The following EXOC6B variants were observed in gnomAD, a reference collection of about 807,000 sequenced individuals.
The protein encoded by EXOC6B is SEC15 homolog B.
In EXOC6B, 54 loss-of-function variants were observed where a neutral mutation model predicts 113.5. The ratio of observed to expected loss-of-function variants is 0.48; its 90% CI spans 0.38 to 0.60. The LOEUF (loss-of-function observed/expected upper bound fraction) is 0.60. EXOC6B is among the 20% of genes least tolerant of loss of function. The pLI is 0.00. For synonymous variants in EXOC6B, 357 were observed against 339.0 expected (o/e 1.05, Z -0.58); for missense variants, 797 against 977.5 (o/e 0.82, Z 2.46).
At chr2:72,678,105 C>T (rs1032566667) in intron 6 of EXOC6B, among the ~76,000 whole-genome samples, 1 of 152,224 alleles carries the variant, frequency 6.6e-6, no homozygotes, top group African/African-American at 2.4e-5. Flanking sequence ...AGCCTGACAA[C>T]ATCAATGTAT....
intron 6 of EXOC6B, among the ~76,000 whole-genome samples, chr2:72,580,990 G>A (rs928448303): frequency 6.6e-6 from 1 of 152,030 alleles, no homozygotes; most frequent in Non-Finnish European, 1.5e-5. Context: ...TCTTACTTCT[G>A]TTCCATGAGA....
chr2:72,208,687 C>G (rs1030525276), intron 20 of EXOC6B, among the ~76,000 whole-genome samples: 1 of 152,122 alleles, frequency 6.6e-6, no homozygotes, highest in Non-Finnish European at 1.5e-5. Flanking sequence ...AGATCCAGCC[C>G]TCTGCCTCAG....
At chr2:72,426,644 T>C (rs1695213597) in intron 18 of EXOC6B, among the ~76,000 whole-genome samples, 1 of 152,182 alleles carries the variant, frequency 6.6e-6, no homozygotes, top group Non-Finnish European at 1.5e-5. Flanking sequence ...TACAAAGCGA[T>C]CCTCTGTCAG....
intron 20 of EXOC6B, among the ~76,000 whole-genome samples, chr2:72,234,023 A>G (rs983221115): frequency 1.3e-4 from 20 of 151,374 alleles, no homozygotes; most frequent in African/African-American, 4.1e-4. Context: ...AATGCCTGCT[A>G]GAGTGTCCAG....
chr2:72,470,701 A>G (rs1698349437), intron 17 of EXOC6B, among the ~76,000 whole-genome samples: 2 of 144,090 alleles, frequency 1.4e-5, no homozygotes, highest in Non-Finnish European at 3.0e-5. Flanking sequence ...CCCACCTAGG[A>G]GTGAGAACAT....
At chr2:72,588,362 T>C (rs1176252868) in intron 6 of EXOC6B, among the ~76,000 whole-genome samples, 2 of 147,744 alleles carry the variant, frequency 1.4e-5, no homozygotes, top group African/African-American at 4.9e-5. Flanking sequence ...ATAAGAAAAT[T>C]CTGTCACATT....
chr2:72,406,858 C>A (rs1386970184), intron 18 of EXOC6B, among the ~76,000 whole-genome samples: 1 of 152,030 alleles, frequency 6.6e-6, no homozygotes, highest in Non-Finnish European at 1.5e-5. Flanking sequence ...AAGATCAGAG[C>A]AGAACTGAAG....
intron 20 of EXOC6B, among the ~76,000 whole-genome samples, chr2:72,299,648 G>A (rs889682909): frequency 1.3e-5 from 2 of 152,056 alleles, no homozygotes; most frequent in African/African-American, 4.8e-5. Context: ...GCCTTTTTGC[G>A]CTGGTTTCTC....
In EXOC6B at chr2:72,266,083, C is replaced by A. The variant is rs1029885880; in HGVS notation, c.2196+68864G>T. Among the ~76,000 whole-genome samples the A allele has an allele frequency of 1.2e-3, 188 of 152,258 alleles. 1 individual carries two copies. The highest frequency in any genetic ancestry group is 6.8e-3 in the Middle Eastern group (2 of 294). On this transcript the variant is annotated intron_variant, in intron 20 of 21. Coordinates refer to ENST00000272427, the MANE Select transcript of EXOC6B (RefSeq NM_015189.3). Reference sequence around the variant, plus strand: ...AGAAGTGTCTGTTCATATCCTTTGCCCACTTGTTGATGGGGTTGTTTGTTT... The same window carrying A: ...AGAAGTGTCTGTTCATATCCTTTGCACACTTGTTGATGGGGTTGTTTGTTT...
intron 7 of EXOC6B, among the ~76,000 whole-genome samples, chr2:72,569,396 T>C (rs778530407): frequency 6.6e-6 from 1 of 152,132 alleles, no homozygotes; most frequent in Non-Finnish European, 1.5e-5. Flanking sequence ...TTTTTTTGGA[T>C]AGACACCCAA....
At chr2:72,495,586 T>C (rs756368540) in intron 14 of EXOC6B, 47 bp from the exon 15 acceptor site, 15 of 977,210 alleles carry the variant, frequency 1.5e-5, no homozygotes, top group African/African-American at 3.3e-5. Context: ...CCAACGAAGA[T>C]TGAAGATATT....
chr2:72,223,992 C>G (rs921096143), intron 20 of EXOC6B, among the ~76,000 whole-genome samples: 2 of 152,192 alleles, frequency 1.3e-5, no homozygotes, highest in African/African-American at 4.8e-5. Flanking sequence ...AACACAGCCA[C>G]TTTCTGTTTA....
At chr2:72,438,641 G>A (rs1245930001) in intron 18 of EXOC6B, among the ~76,000 whole-genome samples, 1 of 152,108 alleles carries the variant, frequency 6.6e-6, no homozygotes. Flanking sequence ...AAAACAGAGA[G>A]AGAGAAACAT....
At chr2:72,622,107 T>A (rs1340842282) in intron 6 of EXOC6B, among the ~76,000 whole-genome samples, 1 of 151,728 alleles carries the variant, frequency 6.6e-6, no homozygotes, top group Non-Finnish European at 1.5e-5. Context: ...ATATGTTAAA[T>A]CATTACAATG....
At chr2:72,820,367 T>C (rs1376085163) in intron 1 of EXOC6B, among the ~76,000 whole-genome samples, 2 of 152,178 alleles carry the variant, frequency 1.3e-5, no homozygotes, top group East Asian at 1.9e-4. Context: ...TATGTTGACA[T>C]ACTGTTTTAA....
intron 20 of EXOC6B, among the ~76,000 whole-genome samples, chr2:72,256,099 AG>A (rs945003201): frequency 6.6e-6 from 1 of 152,158 alleles, no homozygotes; most frequent in African/African-American, 2.4e-5. Flanking sequence ...AGAAGACATG[AG>A]GAAAAGAGGT....
At chr2:72,197,476 G>A (rs1021003945) in intron 20 of EXOC6B, among the ~76,000 whole-genome samples, 3 of 152,148 alleles carry the variant, frequency 2.0e-5, no homozygotes, top group Non-Finnish European at 4.4e-5. Context: ...CTGGAGTACT[G>A]ACTCTCAGTC....
At chr2:72,571,387 CCCT>C (rs1281961311) in intron 7 of EXOC6B, among the ~76,000 whole-genome samples, 1 of 151,938 alleles carries the variant, frequency 6.6e-6, no homozygotes, top group Non-Finnish European at 1.5e-5. Flanking sequence ...CCTCATCACT[CCCT>C]CTTTTTTTTT....
intron 20 of EXOC6B, among the ~76,000 whole-genome samples, chr2:72,259,543 T>C (rs1158295655): frequency 1.3e-5 from 2 of 152,242 alleles, no homozygotes; most frequent in Non-Finnish European, 2.9e-5. Flanking sequence ...GATAAACAAC[T>C]ATGATTGCAT....
Sources: gnomAD v4.1 joint callset for allele counts (sites outside exome capture counted in the v4.1 genomes callset) on GRCh38, gnomAD v4.1.1 for gene constraint, MANE v1.5 for transcripts, NCBI Gene and HGNC (gene_info 2026-07-23, HGNC 2026-07-21) for gene names.